NOTCH3: variants seen among roughly 807,000 people sequenced by gnomAD.
The protein encoded by NOTCH3 is notch receptor 3, also known as neurogenic locus notch homolog protein 3.
NOTCH3 carries 86 observed loss-of-function variants against 213.3 expected under a neutral mutation model. That is an observed-to-expected ratio of 0.40 (90% CI 0.34 to 0.48). The LOEUF (loss-of-function observed/expected upper bound fraction) is 0.48, where lower values mean the gene tolerates loss of function less well. Among genes scored for constraint, NOTCH3 ranks in the 20% least tolerant of loss-of-function variants. The pLI, the probability that NOTCH3 is intolerant of heterozygous loss-of-function variation, is 0.57. For missense variants in NOTCH3, 2,783 were observed against 3,272.6 expected (o/e 0.85, Z 3.65); for synonymous variants, 1,354 against 1,355.9 (o/e 1.00, Z 0.03).
rs201077354 is a variant in NOTCH3, at chr19:15,179,012, C to A, written c.3718+13G>T. The A allele has an allele frequency of 3.3e-4, 525 of 1,614,208 alleles. No homozygotes were observed. The African/African-American group carries it at 6.4e-3, about 20-fold the overall frequency. On this transcript the variant is annotated intron_variant, in intron 22 of 32. Transcript: ENST00000263388. The stretch of plus-strand genomic sequence containing the variant: ...AGGCGGGGTCCCAGGCCAGCCCCTT[C>A]GCCAACGCTTACCTGAGAAGCCAGC...
rs767738731 is a variant in NOTCH3 at position 15,160,922 on chromosome 19, G to A, written c.6706C>T (p.Leu2236=). The change falls in exon 33 of 33, where the codon CTG becomes TTG. Residue 2236 remains leucine, a synonymous_variant. Coordinates refer to ENST00000263388, the MANE Select transcript of NOTCH3 (RefSeq NM_000435.3). ...AHSSPPKARF[L]RVPSEHPYLT... ...TAAGGGTGCTCACTGGGAACCCGCA[G>A]GAAGCGGGCCTTTGGGGGGCTGCTG... 6.2e-7 allele frequency: 1 copy of A among 1,606,526 alleles called. No homozygotes were observed. The highest frequency in any genetic ancestry group is 1.7e-5 in the Admixed American group (1 of 59,068).
chr19:15,173,104 C>CTTCTTCT (rs2046752281), intron 25 of NOTCH3, among the ~76,000 whole-genome samples: 1 of 19,244 alleles, frequency 5.2e-5, no homozygotes, highest in Non-Finnish European at 7.9e-5. Context: ...TCTTCTTCTT[C>CTTCTTCT]TTTTTTTTTT....
At chr19:15,176,917 A>C (rs1398989430) in intron 24 of NOTCH3, among the ~76,000 whole-genome samples, 1 of 149,538 alleles carries the variant, frequency 6.7e-6, no homozygotes, top group African/African-American at 2.5e-5. Context: ...CTAAAAATAC[A>C]AAAAAAAAGC....
In NOTCH3 at chr19:15,165,438, G is replaced by A. The variant is rs2145390996; in HGVS notation, c.5745C>T (p.Arg1915=). Residue 1915 remains arginine (R), a synonymous_variant, in exon 31 of 33, where the codon CGC becomes CGT. Transcript: ENST00000263388. This position sits in a 1 kb window ranked among gnomAD's most constrained non-coding sequence, Gnocchi z 4.7. ...DGSTALILAA[R]LAVEGMVEEL... is the part of the protein sequence containing the mutation. The stretch of plus-strand genomic sequence containing the variant: ...CTTCCACCATGCCCTCTACTGCCAG[G>A]CGGGCCGCCAGGATCAGTGCCGTTG... 1 of 1,612,392 alleles carries A rather than the reference G, an allele frequency of 6.2e-7. No individual in the cohort carries two copies. Among genetic ancestry groups the A allele is most frequent in the South Asian group, 1.1e-5 (1 of 91,088 alleles).
intron 12 of NOTCH3, 52 bp downstream of exon 12, chr19:15,186,826 G>C (rs2145432131): frequency 3.5e-6 from 5 of 1,445,076 alleles, no homozygotes; most frequent in Middle Eastern, 3.6e-4. Flanking sequence ...ACAGAGACGA[G>C]TGACTTCACC....
chr19:15,177,204 G>A (rs1409811145), intron 24 of NOTCH3, among the ~76,000 whole-genome samples: 2 of 149,952 alleles, frequency 1.3e-5, no homozygotes, highest in African/African-American at 4.9e-5. Flanking sequence ...AGCCGAGATC[G>A]CGCCACTGCA....
intron 31 of NOTCH3, among the ~76,000 whole-genome samples, chr19:15,164,912 C>G (rs2046673427): frequency 6.6e-6 from 1 of 152,002 alleles, no homozygotes; most frequent in African/African-American, 2.4e-5. Context: ...TCTGGAGTAG[C>G]TAGGGCCACA....
In NOTCH3 at chr19:15,184,252, G is replaced by A. The variant is rs773116950; in HGVS notation, c.2566+43C>T. The A allele has an allele frequency of 4.4e-6, 7 of 1,591,230 alleles. 1 individual carries two copies. The South Asian group carries it at 4.4e-5, about 10-fold the overall frequency. On this transcript the variant is annotated intron_variant, in intron 16 of 32. Coordinates refer to ENST00000263388, the MANE Select transcript of NOTCH3 (RefSeq NM_000435.3). Reference sequence around the variant, plus strand: ...GGCACACAGTTCAAGCTTAATGACTGTGTTCCCCAGAGCAGCACCCCCAAG... The same window carrying A: ...GGCACACAGTTCAAGCTTAATGACTATGTTCCCCAGAGCAGCACCCCCAAG...
rs2046682645 is a variant in NOTCH3 at position 15,165,993 on chromosome 19, T to C, written c.5461A>G (p.Ile1821Val). Residue 1821 changes from isoleucine to valine, a missense_variant, in exon 30 of 33, where the codon ATC (isoleucine) becomes GTC (valine). Coordinates refer to ENST00000263388, the MANE Select transcript of NOTCH3 (RefSeq NM_000435.3). The surrounding 1 kb of genome is among the most constrained non-coding windows in gnomAD (Gnocchi z 4.7). Reference protein sequence around the residue: ...DEADDTSASIISDLICQGAQL... With the variant: ...DEADDTSASIVSDLICQGAQL... ...GCCCCCTGGCAGATCAGGTCGGAGATGATGCTAGCTGATGTGTCATCTGCC... is the reference window on the plus strand; with the variant it reads ...GCCCCCTGGCAGATCAGGTCGGAGACGATGCTAGCTGATGTGTCATCTGCC... 1 of 1,614,184 alleles carries C rather than the reference T, an allele frequency of 6.2e-7. No homozygotes were observed. Among genetic ancestry groups the C allele is most frequent in the Admixed American group, 1.7e-5 (1 of 60,024 alleles).
intron 24 of NOTCH3, among the ~76,000 whole-genome samples, chr19:15,176,133 G>A (rs537880417): frequency 8.5e-4 from 129 of 150,962 alleles, no homozygotes; most frequent in African/African-American, 2.6e-3. Context: ...GAGGAAGACA[G>A]TTGGGTACAC....
intron 21 of NOTCH3, 24 bp downstream of exon 21, chr19:15,179,340 C>T (rs1401908024): frequency 4.3e-6 from 7 of 1,610,860 alleles, no homozygotes; most frequent in South Asian, 2.2e-5. Flanking sequence ...TCATCCTGTC[C>T]CCCCAACCCT....
chr19:15,171,895 T>C (rs2046738021), intron 25 of NOTCH3, among the ~76,000 whole-genome samples: 1 of 151,670 alleles, frequency 6.6e-6, no homozygotes. Flanking sequence ...TTGTATTTGT[T>C]TGTTTGTTTG....
intron 2 of NOTCH3, among the ~76,000 whole-genome samples, chr19:15,196,258 A>C (rs2046969896): frequency 6.6e-6 from 1 of 152,024 alleles, no homozygotes; most frequent in Non-Finnish European, 1.5e-5. Context: ...GCAGTATTCC[A>C]GGCGCGGAGC....
At chr19:15,164,563 G>A (rs1247198060) in intron 31 of NOTCH3, among the ~76,000 whole-genome samples, 6 of 149,770 alleles carry the variant, frequency 4.0e-5, no homozygotes, top group Admixed American at 6.7e-5. Context: ...TTAAAAAAAG[G>A]GCAACATAAG....
Position 15,170,743 on chromosome 19 carries a change from C to T in NOTCH3, c.4819G>A (p.Ala1607Thr), listed in dbSNP as rs2145401662. Residue 1607 changes from alanine to threonine, a missense_variant, in exon 26 of 33, where the codon GCC (alanine) becomes ACC (threonine). By Grantham distance (58) the Ala-to-Thr change is moderately conservative. Transcript: ENST00000263388. Reference sequence around the variant, plus strand: ...GACAACGCTCCCAGGTAGTCAGCGGCGCTCTGGGCATCGGGGAAGCAGTGA... The same window carrying T: ...GACAACGCTCCCAGGTAGTCAGCGGTGCTCTGGGCATCGGGGAAGCAGTGA... ...NDHCFPDAQS[A>T]ADYLGALSAV... 1.2e-6 allele frequency: 2 copies of T among 1,610,550 alleles called. No homozygotes were observed. Among genetic ancestry groups the T allele is most frequent in the Middle Eastern group, 1.7e-4 (1 of 5,910 alleles).
At chr19:15,199,150 T>G (rs1200280081) in intron 1 of NOTCH3, among the ~76,000 whole-genome samples, 3 of 152,224 alleles carry the variant, frequency 2.0e-5, no homozygotes, top group Admixed American at 6.5e-5. Flanking sequence ...CACATGTGTG[T>G]GCGTGCACGG....
chr19:15,186,055 C>T (rs1176463857), intron 12 of NOTCH3, among the ~76,000 whole-genome samples: 2 of 151,904 alleles, frequency 1.3e-5, no homozygotes, highest in African/African-American at 4.8e-5. Flanking sequence ...TACAGTTGCG[C>T]ACCACCACGT....
In NOTCH3 at chr19:15,181,560, C is replaced by A; in HGVS notation, c.2792+16G>T. ...CAAGCCAGAGTCCCTGCTCTCCAAG[C>A]AGAGGCCCCGCCCACCTGGGGCTGC... On this transcript the variant is annotated intron_variant, in intron 17 of 32. Transcript: ENST00000263388. 1.3e-6 allele frequency: 2 copies of A among 1,547,766 alleles called. No individual in the cohort carries two copies. The highest frequency in any genetic ancestry group is 1.7e-6 in the Non-Finnish European group (2 of 1,144,644).
Position 15,186,884 on chromosome 19 carries a change from A to G in NOTCH3, c.1945T>C (p.Phe649Leu), listed in dbSNP as rs1051820431. The stretch of plus-strand genomic sequence containing the variant: ...ATGGCAGCCACTTGCCCACCTGTGA[A>G]GCCAGGTTGGCAGACACAGTCGTAG... The part of the protein sequence containing the change: ...NRYDCVCQPG[F>L]TGPLCNVEIN... The change falls in exon 12 of 33, where the codon TTC becomes CTC. Residue 649 changes from phenylalanine to leucine, a missense_variant. Phe to Leu is a conservative substitution (Grantham distance 22). Coordinates refer to ENST00000263388, the MANE Select transcript of NOTCH3 (RefSeq NM_000435.3). 1 of 1,613,476 alleles carries G rather than the reference A, an allele frequency of 6.2e-7. No individual in the cohort carries two copies.
Sources: gnomAD v4.1 joint callset for allele counts (sites outside exome capture counted in the v4.1 genomes callset) on GRCh38, gnomAD v4.1.1 for gene constraint, Gnocchi (gnomAD v3.1) non-coding constraint, MANE v1.5 for transcripts, NCBI Gene and HGNC (gene_info 2026-07-23, HGNC 2026-07-21) for gene names.